PHLPP1: variants seen among roughly 807,000 people sequenced by gnomAD.
The protein encoded by PHLPP1 is PH domain and leucine rich repeat protein phosphatase 1, also known as PH domain leucine-rich repeat-containing protein phosphatase 1.
In PHLPP1, 42 loss-of-function variants were observed where a neutral mutation model predicts 117.2. The observed-to-expected ratio is 0.36, with a 90% CI of 0.28 to 0.46. The LOEUF is 0.46. Among genes scored for constraint, PHLPP1 ranks in the 20% least tolerant of loss-of-function variants. The pLI is 1.00. For missense variants in PHLPP1, 2,084 were observed against 2,241.9 expected (o/e 0.93, Z 1.42); for synonymous variants, 1,042 against 970.7 (o/e 1.07, Z -1.37).
chr18:62,971,673 C>T (rs984983624), intron 14 of PHLPP1, among the ~76,000 whole-genome samples: 3 of 135,302 alleles, frequency 2.2e-5, no homozygotes, highest in African/African-American at 7.5e-5. Flanking sequence ...CAGGCTCTCT[C>T]CAGGATTACT....
At chr18:62,954,278 G>GA (rs1258618173) in intron 12 of PHLPP1, among the ~76,000 whole-genome samples, 1 of 152,198 alleles carries the variant, frequency 6.6e-6, no homozygotes, top group Non-Finnish European at 1.5e-5. Flanking sequence ...GAATGGGCCT[G>GA]AAAGAGGGAA....
chr18:62,752,804 T>TA (rs1334144543), intron 1 of PHLPP1, among the ~76,000 whole-genome samples: 1 of 152,234 alleles, frequency 6.6e-6, no homozygotes, highest in Non-Finnish European at 1.5e-5. Context: ...TCTGCTCTCT[T>TA]ACTGTCTCAG....
chr18:62,814,796 G>A (rs2144314939), intron 1 of PHLPP1, among the ~76,000 whole-genome samples: 1 of 152,298 alleles, frequency 6.6e-6, no homozygotes, highest in Non-Finnish European at 1.5e-5. Context: ...TCTAGTTGTA[G>A]TAGATTTATA....
chr18:62,886,208 T>C (rs1371089202), intron 4 of PHLPP1, among the ~76,000 whole-genome samples: 4 of 152,190 alleles, frequency 2.6e-5, no homozygotes, highest in Admixed American at 6.5e-5. Flanking sequence ...TACCATCTCT[T>C]CCCTGTCCCC....
chr18:62,957,122 T>C (rs1910631789), intron 12 of PHLPP1, among the ~76,000 whole-genome samples: 2 of 152,140 alleles, frequency 1.3e-5, no homozygotes, highest in South Asian at 4.1e-4. Context: ...AATTGAATGC[T>C]CTCCACCCCA....
intron 3 of PHLPP1, among the ~76,000 whole-genome samples, chr18:62,852,761 A>T (rs1169374233): frequency 6.6e-6 from 1 of 152,228 alleles, no homozygotes; most frequent in Non-Finnish European, 1.5e-5. Context: ...CATAAGAAGG[A>T]TAAATACAAC....
At chr18:62,923,699 CT>C (rs1450609595) in intron 10 of PHLPP1, among the ~76,000 whole-genome samples, 4 of 151,814 alleles carry the variant, frequency 2.6e-5, no homozygotes, top group Admixed American at 2.6e-4. Context: ...AATTTTATTA[CT>C]TTTTTTTATT....
chr18:62,951,949 G>T (rs1352189333), intron 12 of PHLPP1, among the ~76,000 whole-genome samples: 1 of 151,550 alleles, frequency 6.6e-6, no homozygotes, highest in Non-Finnish European at 1.5e-5. Context: ...CGAGTAGCTG[G>T]GACTACAGGT....
chr18:62,838,758 C>T (rs763191922), intron 2 of PHLPP1, 26 bp from the exon 3 acceptor site: 1 of 1,602,954 alleles, frequency 6.2e-7, no homozygotes, highest in Non-Finnish European at 8.5e-7. Flanking sequence ...TGACTTGTTT[C>T]TGCTTCTCTC....
chr18:62,894,449 G>C (rs1224639514), intron 4 of PHLPP1, among the ~76,000 whole-genome samples: 1 of 152,066 alleles, frequency 6.6e-6, no homozygotes, highest in Non-Finnish European at 1.5e-5. Flanking sequence ...CACTCATCTC[G>C]GCTTCTCAAA....
intron 3 of PHLPP1, among the ~76,000 whole-genome samples, chr18:62,857,319 G>T (rs1205521434): frequency 3.9e-5 from 6 of 152,140 alleles, no homozygotes; most frequent in Non-Finnish European, 8.8e-5. Flanking sequence ...GTGTCATGCT[G>T]CAGTTTGCAT....
At chr18:62,819,482 A>G (rs766403501) in intron 1 of PHLPP1, among the ~76,000 whole-genome samples, 1 of 152,220 alleles carries the variant, frequency 6.6e-6, no homozygotes, top group African/African-American at 2.4e-5. Flanking sequence ...CAGATGGGAT[A>G]AGTAGGAAAC....
chr18:62,732,994 T>C (rs1228460939), intron 1 of PHLPP1, among the ~76,000 whole-genome samples: 1 of 152,226 alleles, frequency 6.6e-6, no homozygotes, highest in Non-Finnish European at 1.5e-5. Context: ...TGAGAAGGAA[T>C]CTACTACTGG....
chr18:62,729,911 T>C (rs912651693), intron 1 of PHLPP1, among the ~76,000 whole-genome samples: 1 of 152,234 alleles, frequency 6.6e-6, no homozygotes, highest in Non-Finnish European at 1.5e-5. Context: ...AATTACTGTT[T>C]AGTGCTTTAT....
chr18:62,901,195 T>G (rs512007), intron 6 of PHLPP1, among the ~76,000 whole-genome samples: 85,455 of 152,028 alleles, frequency 0.56, 24,324 homozygotes, highest in Non-Finnish European at 0.61. Context: ...AAAGCCATTA[T>G]GAAGGTTATT....
chr18:62,894,341 G>A (rs756994790), intron 4 of PHLPP1, among the ~76,000 whole-genome samples: 50 of 152,202 alleles, frequency 3.3e-4, no homozygotes, highest in Non-Finnish European at 5.7e-4. Context: ...GATTACAGGG[G>A]TGCACCACCA....
chr18:62,923,874 G>T (rs991679579), intron 10 of PHLPP1, among the ~76,000 whole-genome samples: 4 of 152,150 alleles, frequency 2.6e-5, no homozygotes, highest in Non-Finnish European at 5.9e-5. Flanking sequence ...GATTCTTTGT[G>T]ACTGGCTTCT....
intron 6 of PHLPP1, among the ~76,000 whole-genome samples, chr18:62,897,862 T>G: frequency 6.6e-6 from 1 of 152,240 alleles, no homozygotes; most frequent in Non-Finnish European, 1.5e-5. Flanking sequence ...AGGAGAGTCT[T>G]GCTTAGTTTC....
chr18:62,969,471 A>AT lies in PHLPP1; in HGVS notation c.3561-3040dup, dbSNP rs200786417. Among the ~76,000 whole-genome samples the AT allele has an allele frequency of 6.2e-4, 94 of 151,964 alleles. No homozygotes were observed. The East Asian group carries it at 0.014, about 22-fold the overall frequency. On this transcript the variant is annotated intron_variant, in intron 14 of 16. Transcript: ENST00000262719. ...CTATCTTGGTAAAAGTTCTGTGTGC[A>AT]TTTAAAAAAAAAAATTGCTGTTGGG...
Sources: gnomAD v4.1 joint callset for allele counts (sites outside exome capture counted in the v4.1 genomes callset) on GRCh38, gnomAD v4.1.1 for gene constraint, MANE v1.5 for transcripts, NCBI Gene and HGNC (gene_info 2026-07-23, HGNC 2026-07-21) for gene names.